Variants in GYS2 observed in about 807,000 individuals in gnomAD.
GYS2 encodes glycogen synthase 2, also known as glycogen [starch] synthase, liver.
A neutral mutation model predicts 85.6 loss-of-function variants in GYS2; 80 were observed. The observed-to-expected ratio is 0.93, with a 90% CI of 0.78 to 1.13. The LOEUF is 1.13. Among genes scored for constraint, GYS2 ranks in the 50% most tolerant of loss-of-function variants. GYS2 has a pLI of 0.00. For synonymous variants in GYS2, 328 were observed against 300.7 expected (o/e 1.09, Z -0.94); for missense variants, 881 against 854.9 (o/e 1.03, Z -0.38).
chr12:21,572,721 A>C (rs540771001), intron 4 of GYS2, among the ~76,000 whole-genome samples: 1 of 152,222 alleles, frequency 6.6e-6, no homozygotes. Flanking sequence ...TCAAAAGGGT[A>C]AAATTGTAAT....
At chr12:21,567,076 A>G (rs1944329664) in intron 5 of GYS2, among the ~76,000 whole-genome samples, 1 of 152,146 alleles carries the variant, frequency 6.6e-6, no homozygotes, top group Non-Finnish European at 1.5e-5. Flanking sequence ...TAAATGCTAG[A>G]GAATATAAAG....
intron 3 of GYS2, 43 bp from the exon 4 acceptor site, chr12:21,574,369 A>G: frequency 6.7e-7 from 1 of 1,487,376 alleles, no homozygotes; most frequent in Non-Finnish European, 9.4e-7. Flanking sequence ...TTGTTGATGA[A>G]GCTTGATTGT....
Position 21,536,658 on chromosome 12 carries a change from G to C in GYS2, c.*296C>G, listed in dbSNP as rs565609742. ...TCATTTAAAAATAAACAGAGTAAGA[G>C]AAAATCCTTACCACTTAAATTCACC... On this transcript the variant is annotated 3_prime_UTR_variant, in exon 16 of 16. Transcript: ENST00000261195. 17 of 418,648 alleles carry C rather than the reference G, an allele frequency of 4.1e-5. 1 individual carries two copies. Among genetic ancestry groups the C allele is most frequent in the South Asian group, 3.5e-4 (15 of 43,462 alleles). The allele number at this position is 418,648 out of a possible 1,614,324, so 25.9% of individuals were successfully genotyped here.
chr12:21,537,273 T>C (rs1943921263), intron 15 of GYS2, 98 bp from the exon 16 acceptor site: 12 of 848,702 alleles, frequency 1.4e-5, no homozygotes, highest in Non-Finnish European at 2.4e-5. Flanking sequence ...TAAGTAGTTA[T>C]CTATCTTTTG....
chr12:21,599,070 G>GTT (rs1944726176), intron 1 of GYS2, among the ~76,000 whole-genome samples: 1 of 149,270 alleles, frequency 6.7e-6, no homozygotes, highest in African/African-American at 2.5e-5. Flanking sequence ...CCTCTCTCTC[G>GTT]CTCTCTCTCT....
rs1944239903 is a variant in GYS2 at position 21,560,490 on chromosome 12, CATCT to C, written c.1063-2_1064del. On this transcript the variant is annotated splice_acceptor_variant and coding_sequence_variant, in exon 8 of 16. Coordinates refer to ENST00000261195, the MANE Select transcript of GYS2 (RefSeq NM_021957.4). LOFTEE classifies it high-confidence loss of function. ...CCATCACTGTGATGTCACTTTTATG[CATCT>C]GATGAGGAATTAGAAAACACAGAGT... 7.2e-7 allele frequency: 1 copy of C among 1,390,620 alleles called. No individual in the cohort carries two copies. Among genetic ancestry groups the C allele is most frequent in the Non-Finnish European group, 1.0e-6 (1 of 975,546 alleles). 86.1% of individuals were successfully genotyped at this position (1,390,620 alleles called of 1,614,324 possible). A position where few individuals can be genotyped will look rare whatever the true frequency, so the allele number is the denominator to read the frequency against.
chr12:21,578,481 C>T (rs1944471263), intron 2 of GYS2, among the ~76,000 whole-genome samples: 2 of 152,156 alleles, frequency 1.3e-5, no homozygotes, highest in South Asian at 2.1e-4. Flanking sequence ...AAGTCACAGC[C>T]GTGTGTATTT....
At chr12:21,565,626 A>G (rs1944310364) in intron 5 of GYS2, among the ~76,000 whole-genome samples, 2 of 150,920 alleles carry the variant, frequency 1.3e-5, no homozygotes, top group South Asian at 4.2e-4. Context: ...TAATTAGTTT[A>G]TATAAATACA....
downstream of GYS2, among the ~76,000 whole-genome samples, chr12:21,534,553 G>A (rs553686377): frequency 7.5e-6 from 1 of 132,644 alleles, no homozygotes; most frequent in South Asian, 2.4e-4. Context: ...AATAAAGAGA[G>A]AAAGGAAAAA....
chr12:21,604,778 G>A lies in GYS2; in HGVS notation c.-186C>T, dbSNP rs1305010043. On this transcript the variant is annotated 5_prime_UTR_variant, in exon 1 of 16. Coordinates refer to ENST00000261195, the MANE Select transcript of GYS2 (RefSeq NM_021957.4). Reference sequence around the variant, plus strand: ...CCCACAGAATTCCTGGTGGAAGGAGGAATTCTTCCTCCTCTTTCTCGTCTT... The same window carrying A: ...CCCACAGAATTCCTGGTGGAAGGAGAAATTCTTCCTCCTCTTTCTCGTCTT... 11 of 1,395,300 alleles carry A rather than the reference G, an allele frequency of 7.9e-6. No homozygotes were observed. Among genetic ancestry groups the A allele is most frequent in the African/African-American group, 1.5e-5 (1 of 68,604 alleles). The allele number at this position is 1,395,300 out of a possible 1,614,324, so 86.4% of individuals were successfully genotyped here.
chr12:21,594,252 CT>C (rs1173823875), intron 1 of GYS2, among the ~76,000 whole-genome samples: 1 of 152,002 alleles, frequency 6.6e-6, no homozygotes, highest in East Asian at 1.9e-4. Flanking sequence ...CTAGCCACAG[CT>C]TTCAGGTCAG....
At position 21,574,298 on chromosome 12, in the gene GYS2, A is replaced by C; in HGVS notation, c.524T>G (p.Val175Gly). 6.2e-7 allele frequency: 1 copy of C among 1,613,954 alleles called. No individual in the cohort carries two copies. The highest frequency in any genetic ancestry group is 8.5e-7 in the Non-Finnish European group (1 of 1,179,824). ...EVTDHADGKY[V>G]VAQFHEWQAG... Reference sequence around the variant, plus strand: ...CTGCCATTCATGGAATTGGGCAACGACATATTTACCATCTGCATGATCTGT... The same window carrying C: ...CTGCCATTCATGGAATTGGGCAACGCCATATTTACCATCTGCATGATCTGT... Residue 175 changes from valine to glycine, a missense_variant, in exon 4 of 16, where the codon GTC becomes GGC. Val to Gly is a moderately radical substitution (Grantham distance 109, BLOSUM62 -3). Transcript: ENST00000261195.
rs1943909096 is a variant in GYS2, at chr12:21,536,245, T to C, written c.*709A>G. ...CTTGGATTTTACAAGTTATCATCTA[T>C]GAAGATTGACCAAATTTTAAAAAGG... On this transcript the variant is annotated 3_prime_UTR_variant, in exon 16 of 16. Coordinates refer to ENST00000261195, the MANE Select transcript of GYS2 (RefSeq NM_021957.4). 1.3e-5 allele frequency: 2 copies of C among 152,264 alleles called. No individual in the cohort carries two copies. The highest frequency in any genetic ancestry group is 4.1e-4 in the South Asian group (2 of 4,830). 9.4% of individuals were successfully genotyped at this position (152,264 alleles called of 1,614,324 possible). A position where few individuals can be genotyped will look rare whatever the true frequency, so the allele number is the denominator to read the frequency against.
intron 5 of GYS2, among the ~76,000 whole-genome samples, chr12:21,565,864 GT>G (rs1944314764): frequency 6.6e-6 from 1 of 151,954 alleles, no homozygotes; most frequent in South Asian, 2.1e-4. Flanking sequence ...AAAGAAAAAC[GT>G]TGACTAAAGG....
At chr12:21,548,478 A>G (rs944769631) in intron 11 of GYS2, among the ~76,000 whole-genome samples, 11 of 152,190 alleles carry the variant, frequency 7.2e-5, no homozygotes, top group Non-Finnish European at 1.2e-4. Flanking sequence ...GAAGTAAATA[A>G]TTAGGATGTG....
chr12:21,534,702 G>A (rs376877392), downstream of GYS2, among the ~76,000 whole-genome samples: 31 of 152,182 alleles, frequency 2.0e-4, no homozygotes, highest in East Asian at 5.2e-3. Flanking sequence ...GTAAGTTGAG[G>A]AGCACCTATA....
At chr12:21,597,583 C>T (rs772856108) in intron 1 of GYS2, among the ~76,000 whole-genome samples, 11 of 152,074 alleles carry the variant, frequency 7.2e-5, no homozygotes, top group South Asian at 2.1e-4. Flanking sequence ...AAAAGGCACT[C>T]GTAGGCACTA....
At chr12:21,560,318 A>G in intron 8 of GYS2, 68 bp downstream of exon 8, 1 of 860,422 alleles carries the variant, frequency 1.2e-6, no homozygotes, top group Non-Finnish European at 2.0e-6. Flanking sequence ...GATACATGAG[A>G]TGTCATTCAC....
downstream of GYS2, among the ~76,000 whole-genome samples, chr12:21,535,450 T>G (rs1196771918): frequency 6.6e-6 from 1 of 152,218 alleles, no homozygotes; most frequent in Non-Finnish European, 1.5e-5. Flanking sequence ...GCTCTGCAGA[T>G]GCTCGGTTAA....
Sources: gnomAD v4.1 joint callset for allele counts (sites outside exome capture counted in the v4.1 genomes callset) on GRCh38, gnomAD v4.1.1 for gene constraint, MANE v1.5 for transcripts, NCBI Gene and HGNC (gene_info 2026-07-23, HGNC 2026-07-21) for gene names.